The following MSH3 variants were observed in gnomAD, a reference collection of about 807,000 sequenced individuals.
MSH3 encodes the protein DNA mismatch repair protein Msh3.
MSH3 carries 106 observed loss-of-function variants against 123.3 expected under a neutral mutation model. The ratio of observed to expected loss-of-function variants is 0.86; its 90% CI spans 0.73 to 1.01. The LOEUF is 1.01. Among genes scored for constraint, MSH3 ranks in the 50% least tolerant of loss-of-function variants. The pLI is 0.00. For synonymous variants in MSH3, 515 were observed against 481.4 expected (o/e 1.07, Z -0.91); for missense variants, 1,459 against 1,347.6 (o/e 1.08, Z -1.29).
rs770656132 is a variant in MSH3, at chr5:80,778,764, A to C, written c.2363A>C (p.Asn788Thr). The C allele has an allele frequency of 1.3e-5, 21 of 1,613,382 alleles. No individual in the cohort carries two copies. The highest frequency in any genetic ancestry group is 1.8e-5 in the Non-Finnish European group (21 of 1,179,440). ...SRFHSPFIVE[N>T]YRHLNQLREQ... ...TTTCACTCTCCTTTTATTGTAGAAA[A>C]TTACAGACATCTGAATCAGCTCCGG... The change falls in exon 17 of 24, where the codon AAT becomes ACT. Residue 788 changes from asparagine (N) to threonine (T), a missense_variant. Physicochemically the swap from Asn to Thr is moderately conservative, Grantham distance 65. Transcript: ENST00000265081.
rs772320929 is a variant in MSH3 at position 80,691,972 on chromosome 5, T to TATAGATAAACATGTATATGTTTAG, written c.1340+12915_1340+12938dup. On this transcript the variant is annotated intron_variant, in intron 8 of 23. Transcript: ENST00000265081. ...ATATAGATAAACATGTATATGTTTA[T>TATAGATAAACATGTATATGTTTAG]ATAGATAAACATGTATATGTTTAGA... Among the ~76,000 whole-genome samples, 206 of 45,654 alleles carry TATAGATAAACATGTATATGTTTAG rather than the reference T, an allele frequency of 4.5e-3. 7 individuals are homozygous for TATAGATAAACATGTATATGTTTAG. The highest frequency in any genetic ancestry group is 8.2e-3 in the African/African-American group (90 of 10,978). 30.0% of individuals were successfully genotyped at this position (45,654 alleles called of 152,430 possible). A position where few individuals can be genotyped will look rare whatever the true frequency, so the allele number is the denominator to read the frequency against.
intron 7 of MSH3, among the ~76,000 whole-genome samples, chr5:80,677,381 G>C (rs1455546296): frequency 6.6e-6 from 1 of 152,198 alleles, no homozygotes; most frequent in African/African-American, 2.4e-5. Flanking sequence ...GGGTATTACA[G>C]TGTAGACCAT....
intron 20 of MSH3, among the ~76,000 whole-genome samples, chr5:80,814,835 GT>G (rs1745074142): frequency 6.6e-6 from 1 of 152,208 alleles, no homozygotes; most frequent in Non-Finnish European, 1.5e-5. Context: ...CCCTCAATGT[GT>G]AAACCTAAAT....
At chr5:80,819,964 A>T (rs1745177062) in intron 20 of MSH3, among the ~76,000 whole-genome samples, 1 of 152,206 alleles carries the variant, frequency 6.6e-6, no homozygotes, top group Non-Finnish European at 1.5e-5. Flanking sequence ...GCAGTAAGGG[A>T]GATGGAGAAG....
chr5:80,864,654 A>G (rs912672046), intron 21 of MSH3, among the ~76,000 whole-genome samples, 159 bp from the exon 22 acceptor site: 25 of 152,348 alleles, frequency 1.6e-4, no homozygotes, highest in African/African-American at 6.0e-4. Flanking sequence ...AAATATTAAC[A>G]ATTGATTATC....
chr5:80,791,288 GA>G (rs1484606204), intron 18 of MSH3, among the ~76,000 whole-genome samples: 1 of 152,126 alleles, frequency 6.6e-6, no homozygotes, highest in Non-Finnish European at 1.5e-5. Context: ...ATGGAGCAAA[GA>G]TGACCATCTC....
chr5:80,672,683 G>A, intron 5 of MSH3, 58 bp from the exon 6 acceptor site: 2 of 1,333,490 alleles, frequency 1.5e-6, no homozygotes, highest in Non-Finnish European at 2.2e-6. Context: ...ATTTCGAAAT[G>A]AGTTTTTACA....
chr5:80,689,693 A>G (rs1750183098), intron 8 of MSH3, among the ~76,000 whole-genome samples: 1 of 150,202 alleles, frequency 6.7e-6, no homozygotes, highest in Non-Finnish European at 1.5e-5. Flanking sequence ...AAGGGGATAT[A>G]TCCCCAACGG....
intron 19 of MSH3, among the ~76,000 whole-genome samples, chr5:80,793,056 T>A (rs1744636794): frequency 1.3e-5 from 2 of 152,248 alleles, no homozygotes; most frequent in Non-Finnish European, 1.5e-5. Context: ...AAAGTTTAGT[T>A]CTAATTAGTT....
At chr5:80,765,745 G>T (rs939911983) in intron 13 of MSH3, among the ~76,000 whole-genome samples, 1 of 152,054 alleles carries the variant, frequency 6.6e-6, no homozygotes, top group African/African-American at 2.4e-5. Flanking sequence ...TACTTCCCTT[G>T]AGTTGAATCT....
chr5:80,824,566 C>T lies in MSH3; in HGVS notation c.2813+10825C>T, dbSNP rs144356816. 2.6e-5 allele frequency among the ~76,000 whole-genome samples: 4 copies of T among 152,308 alleles called. No individual in the cohort carries two copies. The East Asian group carries it at 5.8e-4, about 22-fold the overall frequency. ...ATGTGGAAGCACTTCCTCAAGCCCTCGCTGGAGAAATCATGTGTTGAATTA... is the reference window on the plus strand; with the variant it reads ...ATGTGGAAGCACTTCCTCAAGCCCTTGCTGGAGAAATCATGTGTTGAATTA... On this transcript the variant is annotated intron_variant, in intron 20 of 23. Transcript: ENST00000265081.
chr5:80,709,723 T>C (rs1230827120), intron 8 of MSH3, among the ~76,000 whole-genome samples: 1 of 152,264 alleles, frequency 6.6e-6, no homozygotes, highest in Admixed American at 6.5e-5. Context: ...CCTTTGGTTT[T>C]CTCATATTTG....
intron 20 of MSH3, among the ~76,000 whole-genome samples, chr5:80,820,630 A>T (rs1405803744): frequency 6.6e-6 from 1 of 152,252 alleles, no homozygotes; most frequent in Non-Finnish European, 1.5e-5. Flanking sequence ...CTGGAATCTG[A>T]AGGAAACATC....
chr5:80,833,656 T>C (rs1276279918), intron 20 of MSH3, among the ~76,000 whole-genome samples: 1 of 152,222 alleles, frequency 6.6e-6, no homozygotes, highest in African/African-American at 2.4e-5. Flanking sequence ...TTGGCCAGGA[T>C]GGTCTCGATC....
intron 7 of MSH3, among the ~76,000 whole-genome samples, chr5:80,675,783 T>C (rs1044733659): frequency 2.6e-5 from 4 of 152,174 alleles, no homozygotes; most frequent in African/African-American, 4.8e-5. Flanking sequence ...GGCAGACATA[T>C]GTGTGGACAA....
In MSH3 at chr5:80,792,364, A is replaced by G. The variant is rs187731327; in HGVS notation, c.2544-369A>G. ...GTAGTGTGCTATGATTGTGTCTGTG[A>G]ATAGTCACTGCACTGCAGCCTGGGC... is the stretch of plus-strand genomic sequence containing the variant. On this transcript the variant is annotated intron_variant, in intron 18 of 23. Coordinates refer to ENST00000265081, the MANE Select transcript of MSH3 (RefSeq NM_002439.5). Among the ~76,000 whole-genome samples the G allele has an allele frequency of 4.0e-5, 6 of 151,776 alleles. No individual in the cohort carries two copies. The East Asian group carries it at 7.7e-4, about 20-fold the overall frequency.
chr5:80,729,430 A>AAG (rs1491210653), intron 10 of MSH3, among the ~76,000 whole-genome samples: 1 of 78,374 alleles, frequency 1.3e-5, no homozygotes, highest in African/African-American at 5.6e-5. Context: ...AAAAAAAAAA[A>AAG]TGTGTGTGTG....
chr5:80,709,663 T>A (rs1321503673), intron 8 of MSH3, among the ~76,000 whole-genome samples: 6 of 152,232 alleles, frequency 3.9e-5, no homozygotes, highest in Non-Finnish European at 8.8e-5. Flanking sequence ...TTAACAACTT[T>A]TGTTAATTTT....
At chr5:80,868,319 G>A (rs546482569) in intron 22 of MSH3, among the ~76,000 whole-genome samples, 12 of 151,964 alleles carry the variant, frequency 7.9e-5, no homozygotes, top group East Asian at 3.9e-4. Flanking sequence ...GCATGCACAC[G>A]TATGTTCATT....
Sources: gnomAD v4.1 joint callset for allele counts (sites outside exome capture counted in the v4.1 genomes callset) on GRCh38, gnomAD v4.1.1 for gene constraint, MANE v1.5 for transcripts, NCBI Gene and HGNC (gene_info 2026-07-23, HGNC 2026-07-21) for gene names.